The following HS2ST1 variants were observed in gnomAD, a reference collection of about 807,000 sequenced individuals.
The protein encoded by HS2ST1 is 2-O-sulfotransferase.
Under a neutral mutation model 42.9 loss-of-function variants are expected in HS2ST1, and 18 were observed. That is an observed-to-expected ratio of 0.42 (90% CI 0.29 to 0.62). The LOEUF is 0.62. Ranked by LOEUF, HS2ST1 falls within the 20% of genes least tolerant of loss-of-function variation. HS2ST1 has a pLI of 0.21. For missense variants in HS2ST1, 334 were observed against 433.8 expected, an observed-to-expected ratio of 0.77 and a Z score of 2.04; for synonymous variants, 146 against 152.9, an observed-to-expected ratio of 0.95 and a Z score of 0.33.
intron 1 of HS2ST1, among the ~76,000 whole-genome samples, chr1:86,969,338 G>C (rs1648162123): frequency 6.6e-6 from 1 of 152,018 alleles, no homozygotes; most frequent in Admixed American, 6.6e-5. Context: ...TTTTTAACTT[G>C]TTTATTGAGC....
At chr1:86,989,261 A>G (rs1648876430) in intron 1 of HS2ST1, among the ~76,000 whole-genome samples, 1 of 152,250 alleles carries the variant, frequency 6.6e-6, no homozygotes, top group Non-Finnish European at 1.5e-5. Context: ...ATTAACTAAT[A>G]GGGCAAAGAA....
chr1:87,030,829 A>G (rs1182009144), intron 1 of HS2ST1, among the ~76,000 whole-genome samples: 2 of 152,126 alleles, frequency 1.3e-5, no homozygotes, highest in Non-Finnish European at 2.9e-5. Flanking sequence ...AATTTTAACT[A>G]ATTCTTATTA....
At chr1:86,942,496 TGA>T (rs1660785255) in intron 1 of HS2ST1, among the ~76,000 whole-genome samples, 1 of 152,218 alleles carries the variant, frequency 6.6e-6, no homozygotes, top group Non-Finnish European at 1.5e-5. Context: ...TAAACATTTT[TGA>T]GAGGGTGGAA....
chr1:86,985,118 G>A (rs191126320), intron 1 of HS2ST1, among the ~76,000 whole-genome samples: 1 of 151,512 alleles, frequency 6.6e-6, no homozygotes, highest in Admixed American at 6.6e-5. Context: ...CACTTTGGGA[G>A]GCTGAGGTGG....
At chr1:86,984,177 G>A (rs980445155) in intron 1 of HS2ST1, among the ~76,000 whole-genome samples, 3 of 152,160 alleles carry the variant, frequency 2.0e-5, no homozygotes, top group Non-Finnish European at 4.4e-5. Flanking sequence ...TTGAAGCCCA[G>A]GAGAGTCAGT....
intron 2 of HS2ST1, among the ~76,000 whole-genome samples, chr1:87,075,428 A>G (rs899562320): frequency 6.6e-6 from 1 of 152,070 alleles, no homozygotes; most frequent in Non-Finnish European, 1.5e-5. Context: ...AGGCCTCCCA[A>G]AGTGCTGGGA....
At chr1:86,930,463 A>G (rs1371997636) in intron 1 of HS2ST1, among the ~76,000 whole-genome samples, 1 of 151,912 alleles carries the variant, frequency 6.6e-6, no homozygotes, top group Non-Finnish European at 1.5e-5. Flanking sequence ...TCCCCACATG[A>G]AGCGTAATAC....
rs1439515760 is a variant in HS2ST1, at chr1:86,987,067, G to GT, written c.124+71907_124+71908insT. Among the ~76,000 whole-genome samples, 5 of 76,326 alleles carry GT rather than the reference G, an allele frequency of 6.6e-5. No homozygotes were observed. In the East Asian group the frequency reaches 2.4e-3, roughly 36 times the overall value. 50.1% of individuals were successfully genotyped at this position (76,326 alleles called of 152,430 possible). On this transcript the variant is annotated intron_variant, in intron 1 of 6. Coordinates refer to ENST00000370550, the MANE Select transcript of HS2ST1 (RefSeq NM_012262.4). ...ACCACTATTAAGGTTGTGATAGCCA[G>GT]GTTTTTTTTTTTTTTTTTTTGAGAT... is the stretch of plus-strand genomic sequence containing the variant.
At chr1:87,034,231 CAAA>C (rs1238740270) in intron 1 of HS2ST1, among the ~76,000 whole-genome samples, 2 of 152,058 alleles carry the variant, frequency 1.3e-5, no homozygotes, top group Admixed American at 6.6e-5. Flanking sequence ...TCATGACAAA[CAAA>C]AATGTAAATT....
intron 1 of HS2ST1, among the ~76,000 whole-genome samples, chr1:87,020,127 TG>T (rs1489972760): frequency 6.6e-6 from 1 of 152,234 alleles, no homozygotes; most frequent in African/African-American, 2.4e-5. Context: ...GTAAAATTTT[TG>T]CTAAATTATA....
chr1:86,948,427 A>G (rs931665484), intron 1 of HS2ST1, among the ~76,000 whole-genome samples: 3 of 152,210 alleles, frequency 2.0e-5, no homozygotes, highest in African/African-American at 7.2e-5. Context: ...AGCTGGGCCT[A>G]CACGCCTGTA....
intron 1 of HS2ST1, among the ~76,000 whole-genome samples, chr1:87,035,320 G>T (rs1557522705): frequency 6.6e-6 from 1 of 152,206 alleles, no homozygotes; most frequent in African/African-American, 2.4e-5. Context: ...GGTATTGTAA[G>T]TAGTACTTCT....
intron 1 of HS2ST1, among the ~76,000 whole-genome samples, chr1:86,957,508 T>C (rs2102193250): frequency 6.6e-6 from 1 of 152,338 alleles, no homozygotes; most frequent in Admixed American, 6.5e-5. Flanking sequence ...TGCTCTTTTA[T>C]TTTACTTCTC....
At chr1:87,050,941 T>C (rs1244155777) in intron 1 of HS2ST1, among the ~76,000 whole-genome samples, 1 of 152,212 alleles carries the variant, frequency 6.6e-6, no homozygotes, top group Non-Finnish European at 1.5e-5. Flanking sequence ...TAGCTTTGAC[T>C]GTGCTATATG....
intron 1 of HS2ST1, among the ~76,000 whole-genome samples, chr1:87,030,669 G>T (rs1166137139): frequency 6.6e-6 from 1 of 152,082 alleles, no homozygotes; most frequent in African/African-American, 2.4e-5. Flanking sequence ...TTTGTATATT[G>T]TGATATGATT....
chr1:86,962,968 G>A (rs1424391097), intron 1 of HS2ST1, among the ~76,000 whole-genome samples: 1 of 152,030 alleles, frequency 6.6e-6, no homozygotes, highest in Non-Finnish European at 1.5e-5. Context: ...TTCTCCTCTA[G>A]TCTTCAACCC....
intron 2 of HS2ST1, among the ~76,000 whole-genome samples, chr1:87,082,066 CCT>C (rs1651705666): frequency 5.3e-5 from 8 of 151,542 alleles, no homozygotes; most frequent in Non-Finnish European, 1.0e-4. Flanking sequence ...AAAAGGGAGA[CCT>C]TACAACTAAT....
intron 2 of HS2ST1, among the ~76,000 whole-genome samples, chr1:87,078,705 A>C (rs1436845817): frequency 6.6e-6 from 1 of 152,222 alleles, no homozygotes; most frequent in East Asian, 1.9e-4. Flanking sequence ...AGTCAGTAAG[A>C]ATCCATAAAG....
At chr1:86,939,343 A>G (rs994522628) in intron 1 of HS2ST1, among the ~76,000 whole-genome samples, 2 of 152,010 alleles carry the variant, frequency 1.3e-5, no homozygotes, top group South Asian at 2.1e-4. Flanking sequence ...GTCTTATTCA[A>G]TTTGCTGTGG....
Sources: gnomAD v4.1 joint callset for allele counts (sites outside exome capture counted in the v4.1 genomes callset) on GRCh38, gnomAD v4.1.1 for gene constraint, MANE v1.5 for transcripts, NCBI Gene and HGNC (gene_info 2026-07-23, HGNC 2026-07-21) for gene names.